PTGIS: variants seen among roughly 807,000 people sequenced by gnomAD.
PTGIS encodes prostacyclin synthase.
A neutral mutation model predicts 50.3 loss-of-function variants in PTGIS; 45 were observed. The ratio of observed to expected loss-of-function variants is 0.90; its 90% CI spans 0.70 to 1.15. The LOEUF is 1.15. Ranked by LOEUF, PTGIS falls within the 50% of genes most tolerant of loss-of-function variation. The pLI, the probability that PTGIS is intolerant of heterozygous loss-of-function variation, is 0.00. For missense variants in PTGIS, 668 were observed against 661.3 expected, an observed-to-expected ratio of 1.01 and a Z score of -0.11; for synonymous variants, 260 against 267.7, an observed-to-expected ratio of 0.97 and a Z score of 0.28.
intron 4 of PTGIS, 55 bp downstream of exon 4, chr20:49,544,250 G>A (rs1982299791): frequency 6.2e-7 from 1 of 1,608,472 alleles, no homozygotes; most frequent in African/African-American, 1.3e-5. Flanking sequence ...GCTCATGGCT[G>A]ACACAGGTCA....
At position 49,507,871 on chromosome 20, in the gene PTGIS, T is replaced by C. The variant is rs1166457795; in HGVS notation, c.*49A>G. The C allele has an allele frequency of 6.2e-7, 1 of 1,603,806 alleles. No homozygotes were observed. Among genetic ancestry groups the C allele is most frequent in the Non-Finnish European group, 8.5e-7 (1 of 1,179,780 alleles). On this transcript the variant is annotated 3_prime_UTR_variant, in exon 10 of 10. Coordinates refer to ENST00000244043, the MANE Select transcript of PTGIS (RefSeq NM_000961.4). The stretch of plus-strand genomic sequence containing the variant: ...AGAAAGCTGGGAGGCTGGGGCAGGC[T>C]GGGGCAGGCTGGGCAGAGGCGAGCA...
At chr20:49,529,123 C>T (rs573865374) in intron 5 of PTGIS, among the ~76,000 whole-genome samples, 29 of 152,208 alleles carry the variant, frequency 1.9e-4, no homozygotes, top group Non-Finnish European at 3.2e-4. Context: ...TGCACACTCA[C>T]ACGTGCATGC....
intron 5 of PTGIS, among the ~76,000 whole-genome samples, chr20:49,536,201 G>A (rs1044137144): frequency 3.3e-5 from 5 of 152,160 alleles, no homozygotes; most frequent in Admixed American, 6.5e-5. Flanking sequence ...GCTAACATTG[G>A]CTTCACAGGA....
At chr20:49,526,006 TGTCACCATTTCG>T (rs1981786354) in intron 5 of PTGIS, among the ~76,000 whole-genome samples, 1 of 152,248 alleles carries the variant, frequency 6.6e-6, no homozygotes, top group Non-Finnish European at 1.5e-5. Context: ...TTGAAATGAA[TGTCACCATTTCG>T]GGTGACATTT....
chr20:49,567,875 A>C (rs1982941719), intron 1 of PTGIS, among the ~76,000 whole-genome samples, 168 bp downstream of exon 1: 1 of 148,978 alleles, frequency 6.7e-6, no homozygotes, highest in African/African-American at 2.5e-5. Context: ...TGGCCCCCTC[A>C]CCCACGTGCG....
intron 3 of PTGIS, 29 bp from the exon 4 acceptor site, chr20:49,544,477 T>A (rs767668652): frequency 6.2e-7 from 1 of 1,613,932 alleles, no homozygotes; most frequent in South Asian, 1.1e-5. Context: ...GCATGAAAAT[T>A]TGGCTTCCAA....
rs578106630 is a variant in PTGIS, at chr20:49,540,298, C to G, written c.522-577G>C. On this transcript the variant is annotated intron_variant, in intron 4 of 9. Coordinates refer to ENST00000244043, the MANE Select transcript of PTGIS (RefSeq NM_000961.4). The surrounding 1 kb of genome is among the most constrained non-coding windows in gnomAD (Gnocchi z 4.8). ...CAGGGAGGGATTCAGGGAAGACTTCCTAGAGAAGGGAGGGTCTGAGCTGAG... is the reference window on the plus strand; with the variant it reads ...CAGGGAGGGATTCAGGGAAGACTTCGTAGAGAAGGGAGGGTCTGAGCTGAG... 1.3e-5 allele frequency among the ~76,000 whole-genome samples: 2 copies of G among 152,114 alleles called. No homozygotes were observed. The highest frequency in any genetic ancestry group is 1.3e-4 in the Admixed American group (2 of 15,294).
chr20:49,532,303 C>G (rs904240316), intron 5 of PTGIS, among the ~76,000 whole-genome samples: 1 of 152,074 alleles, frequency 6.6e-6, no homozygotes, highest in Non-Finnish European at 1.5e-5. Flanking sequence ...AGAAGGATAA[C>G]AGCAAACAGA....
At chr20:49,538,684 T>A (rs1418221762) in intron 5 of PTGIS, among the ~76,000 whole-genome samples, 2 of 149,104 alleles carry the variant, frequency 1.3e-5, no homozygotes, top group African/African-American at 5.2e-5. Flanking sequence ...TATTTATTTA[T>A]TTATTTATTT....
chr20:49,527,811 A>T (rs574098871), intron 5 of PTGIS, among the ~76,000 whole-genome samples: 2 of 152,300 alleles, frequency 1.3e-5, no homozygotes, highest in South Asian at 4.1e-4. Context: ...ATTTGGCAAA[A>T]ATGAGTCAAA....
chr20:49,559,010 G>T (rs1686487386), intron 1 of PTGIS, among the ~76,000 whole-genome samples: 2 of 152,208 alleles, frequency 1.3e-5, no homozygotes, highest in African/African-American at 4.8e-5. Flanking sequence ...ACCATGCTGG[G>T]CCAGGAAGCT....
At chr20:49,522,680 A>G (rs1309626101) in intron 6 of PTGIS, among the ~76,000 whole-genome samples, 3 of 152,172 alleles carry the variant, frequency 2.0e-5, no homozygotes, top group Non-Finnish European at 4.4e-5. Flanking sequence ...GCACACTTCA[A>G]AAAATGTAAA....
Position 49,524,147 on chromosome 20 carries a change from G to T in PTGIS, c.766C>A (p.Leu256Met). 6.2e-7 allele frequency: 1 copy of T among 1,614,218 alleles called. No homozygotes were observed. The highest frequency in any genetic ancestry group is 2.2e-5 in the East Asian group (1 of 44,872). The stretch of plus-strand genomic sequence containing the variant: ...TCCAGGTGCAGCAGGTAACTCTCCA[G>T]CCATTTGCTCCGGTGGGCCCGCCTG... ...LARRAHRSKW[L>M]ESYLLHLEEM... The change falls in exon 6 of 10, where the codon CTG (leucine) becomes ATG (methionine). Residue 256 changes from leucine to methionine, a missense_variant. Coordinates refer to ENST00000244043, the MANE Select transcript of PTGIS (RefSeq NM_000961.4).
intron 5 of PTGIS, among the ~76,000 whole-genome samples, chr20:49,531,091 A>G (rs141921312): frequency 2.5e-4 from 38 of 152,246 alleles, no homozygotes; most frequent in African/African-American, 8.9e-4. Context: ...GAGTTGTATG[A>G]GTTCCTTATC....
In PTGIS at chr20:49,546,331, AG is replaced by A. The variant is rs1982358544; in HGVS notation, c.377+1509del. On this transcript the variant is annotated intron_variant, in intron 3 of 9. Transcript: ENST00000244043. ...GATTCCTATTGCTAATGGGACCCCC[AG>A]GGTCCCCCTGGAATGTCAGGACCCA... Among the ~76,000 whole-genome samples, 4 of 152,224 alleles carry A rather than the reference AG, an allele frequency of 2.6e-5. No individual in the cohort carries two copies. In the South Asian group the frequency reaches 8.3e-4, roughly 31 times the overall value.
At chr20:49,520,626 G>A (rs112392428) in intron 6 of PTGIS, among the ~76,000 whole-genome samples, 6,966 of 152,026 alleles carry the variant, frequency 0.046, 202 homozygotes, top group Non-Finnish European at 0.067. Flanking sequence ...GAGCCACTGC[G>A]CCTGACTTCT....
At chr20:49,513,527 G>A (rs1191975906) in intron 7 of PTGIS, among the ~76,000 whole-genome samples, 1 of 152,100 alleles carries the variant, frequency 6.6e-6, no homozygotes, top group Non-Finnish European at 1.5e-5. Context: ...ATATCAGAAG[G>A]CTGGGGAGAG....
chr20:49,527,713 C>T (rs909040506), intron 5 of PTGIS, among the ~76,000 whole-genome samples: 1 of 152,078 alleles, frequency 6.6e-6, no homozygotes, highest in African/African-American at 2.4e-5. Flanking sequence ...TTTACTGCCA[C>T]TGAATTATAC....
intron 2 of PTGIS, among the ~76,000 whole-genome samples, chr20:49,549,469 G>C (rs917615283): frequency 6.6e-6 from 1 of 152,218 alleles, no homozygotes; most frequent in Admixed American, 6.5e-5. Flanking sequence ...TGAATCCAGA[G>C]ATATGGAACC....
Sources: allele counts gnomAD v4.1 joint callset (sites outside exome capture counted in the v4.1 genomes callset), GRCh38; gene constraint gnomAD v4.1.1; non-coding constraint Gnocchi (gnomAD v3.1); transcripts MANE v1.5; gene names NCBI Gene and HGNC (gene_info 2026-07-23, HGNC 2026-07-21).